PAX3: variants seen among roughly 807,000 people sequenced by gnomAD.
PAX3 encodes the protein paired box 3.
A neutral mutation model predicts 51.6 loss-of-function variants in PAX3; 14 were observed. The ratio of observed to expected loss-of-function variants is 0.27; its 90% CI spans 0.18 to 0.42. PAX3 has a LOEUF of 0.42. Among genes scored for constraint, PAX3 ranks in the 10% least tolerant of loss-of-function variants. PAX3 has a pLI of 1.00. For missense variants in PAX3, 540 were observed against 642.8 expected (o/e 0.84, Z 1.73); for synonymous variants, 280 against 253.4 (o/e 1.11, Z -1.00).
chr2:222,218,772 T>G (rs1190251743), intron 7 of PAX3, among the ~76,000 whole-genome samples: 1 of 152,236 alleles, frequency 6.6e-6, no homozygotes, highest in Non-Finnish European at 1.5e-5. Flanking sequence ...TTTCATGTTG[T>G]TATTTTTCAG....
rs1173262760 is a variant in PAX3, at chr2:222,297,052, C to T, written c.247G>A (p.Val83Ile). ...TGGTACCTGCACAGGATCTTGGAGA[C>T]GCAGCCGTGGGACACGCGCAGCTGG... ...SRQLRVSHGCVSKILCRYQET... is the reference protein window; with the variant it reads ...SRQLRVSHGCISKILCRYQET... Residue 83 changes from valine (V) to isoleucine (I), a missense_variant, in exon 2 of 9, where the codon GTC (valine) becomes ATC (isoleucine). Val to Ile is a conservative substitution (Grantham distance 29). Around this residue, in one of 3 missense-constraint regions of PAX3, gnomAD observed 50 missense variants for 109.3 expected, o/e 0.46. Coordinates refer to ENST00000392070, the MANE Select transcript of PAX3 (RefSeq NM_181458.4). 2 of 1,614,038 alleles carry T rather than the reference C, an allele frequency of 1.2e-6. No homozygotes were observed. The highest frequency in any genetic ancestry group is 1.7e-5 in the Admixed American group (1 of 60,008).
At chr2:222,253,446 T>A (rs1369049890) in intron 4 of PAX3, among the ~76,000 whole-genome samples, 1 of 152,112 alleles carries the variant, frequency 6.6e-6, no homozygotes, top group Non-Finnish European at 1.5e-5. Context: ...CAAAACTTCA[T>A]GCAAACTAAG....
At chr2:222,296,125 G>C (rs1416466094) in intron 2 of PAX3, among the ~76,000 whole-genome samples, 2 of 152,308 alleles carry the variant, frequency 1.3e-5, no homozygotes, top group South Asian at 4.1e-4. Flanking sequence ...GTATGTATTT[G>C]GGTTTTTAAA....
At chr2:222,208,003 GTATA>G (rs71408506) in intron 7 of PAX3, among the ~76,000 whole-genome samples, 14 of 147,918 alleles carry the variant, frequency 9.5e-5, no homozygotes, top group Middle Eastern at 3.5e-3. Context: ...ATATGTGTGT[GTATA>G]TATATATATA....
At chr2:222,220,115 G>A (rs536403392) in intron 7 of PAX3, 25 bp downstream of exon 7, 16 of 1,596,438 alleles carry the variant, frequency 1.0e-5, no homozygotes, top group Admixed American at 5.0e-5. Flanking sequence ...ACAGCAAATC[G>A]TCTGTCTAGA....
intron 4 of PAX3, among the ~76,000 whole-genome samples, chr2:222,256,413 C>G (rs1693647502): frequency 6.6e-6 from 1 of 152,022 alleles, no homozygotes; most frequent in Non-Finnish European, 1.5e-5. Flanking sequence ...GAGACCCCTG[C>G]CGTCCTTCCT....
intron 8 of PAX3, 86 bp downstream of exon 8, chr2:222,201,858 C>T: frequency 6.2e-7 from 1 of 1,611,908 alleles, no homozygotes; most frequent in African/African-American, 1.3e-5. Flanking sequence ...GTGGCTTAAT[C>T]TTGCCTCTAA....
At chr2:222,297,237 G>A (rs751248910) in intron 1 of PAX3, 24 bp from the exon 2 acceptor site, 1 of 1,518,530 alleles carries the variant, frequency 6.6e-7, no homozygotes, top group South Asian at 1.2e-5. Flanking sequence ...AAAAAGAGAA[G>A]CAAGGGAAAA....
chr2:222,274,980 T>C (rs1017356087), intron 4 of PAX3, among the ~76,000 whole-genome samples: 6 of 152,240 alleles, frequency 3.9e-5, no homozygotes, highest in African/African-American at 1.4e-4. Flanking sequence ...CTGTTTTGAT[T>C]TGTATGGAAT....
chr2:222,251,715 C>T (rs911000787), intron 4 of PAX3, among the ~76,000 whole-genome samples: 19 of 152,336 alleles, frequency 1.2e-4, no homozygotes, highest in South Asian at 4.1e-4. Context: ...AACTAGTTTA[C>T]GGTCCCACCA....
At chr2:222,239,476 A>G (rs757965789) in intron 4 of PAX3, among the ~76,000 whole-genome samples, 5 of 152,158 alleles carry the variant, frequency 3.3e-5, no homozygotes, top group Admixed American at 6.5e-5. Flanking sequence ...TGTTATTTTT[A>G]ATTTATTTTA....
In PAX3 at chr2:222,298,698, C is replaced by G; in HGVS notation, c.-83G>C. Reference sequence around the variant, plus strand: ...GTGCGGCGCGGATGACCCTCGGGAACTATCCGGAGCGTGGAGAGCCCCTCC... The same window carrying G: ...GTGCGGCGCGGATGACCCTCGGGAAGTATCCGGAGCGTGGAGAGCCCCTCC... On this transcript the variant is annotated 5_prime_UTR_variant, in exon 1 of 9. Transcript: ENST00000392070. 7.4e-7 allele frequency: 1 copy of G among 1,345,122 alleles called. No homozygotes were observed. Among genetic ancestry groups the G allele is most frequent in the Non-Finnish European group, 1.0e-6 (1 of 961,852 alleles). The allele number at this position is 1,345,122 out of a possible 1,614,324, so 83.3% of individuals were successfully genotyped here.
intron 4 of PAX3, chr2:222,263,557 C>G (rs1343355998): frequency 7.9e-5 from 12 of 152,184 alleles, no homozygotes; most frequent in Non-Finnish European, 1.5e-5. Context: ...CTCTGTAAAA[C>G]AGTCTGGCAG....
intron 4 of PAX3, among the ~76,000 whole-genome samples, chr2:222,270,075 A>G (rs933364943): frequency 2.0e-5 from 3 of 152,234 alleles, no homozygotes; most frequent in Non-Finnish European, 4.4e-5. Flanking sequence ...AGCTGAGGCT[A>G]TAGAATGAGC....
At chr2:222,285,351 A>G (rs1274349613) in intron 4 of PAX3, among the ~76,000 whole-genome samples, 1 of 152,252 alleles carries the variant, frequency 6.6e-6, no homozygotes, top group East Asian at 1.9e-4. Context: ...GAAGGAAACT[A>G]GGAAGTTAGT....
chr2:222,292,806 G>T (rs1238645665), intron 4 of PAX3, among the ~76,000 whole-genome samples: 1 of 152,218 alleles, frequency 6.6e-6, no homozygotes, highest in Non-Finnish European at 1.5e-5. Context: ...CTGTCATAAA[G>T]CAAAGGAAGC....
chr2:222,227,512 A>C lies in PAX3; in HGVS notation c.792+4566T>G, dbSNP rs1202388426. Reference sequence around the variant, plus strand: ...GAGACTGAGGCGGGAGGATCATCTGAGCCCAGGAGGCAGAGGTTGCAGTGA... The same window carrying C: ...GAGACTGAGGCGGGAGGATCATCTGCGCCCAGGAGGCAGAGGTTGCAGTGA... On this transcript the variant is annotated intron_variant, in intron 5 of 8. Transcript: ENST00000392070. Among the ~76,000 whole-genome samples, 3 of 152,122 alleles carry C rather than the reference A, an allele frequency of 2.0e-5. No homozygotes were observed. The East Asian group carries it at 5.8e-4, about 29-fold the overall frequency.
intron 5 of PAX3, among the ~76,000 whole-genome samples, chr2:222,227,404 T>C (rs952932084): frequency 6.6e-6 from 1 of 152,138 alleles, no homozygotes; most frequent in African/African-American, 2.4e-5. Flanking sequence ...GAGACCAGCC[T>C]TGGCAACATG....
chr2:222,297,296 A>G, intron 1 of PAX3, 83 bp from the exon 2 acceptor site: 1 of 1,114,678 alleles, frequency 9.0e-7, no homozygotes, highest in South Asian at 1.3e-5. Context: ...GTAATTTCGC[A>G]GTCTTCTGTC....
Sources: gnomAD v4.1 joint callset for allele counts (sites outside exome capture counted in the v4.1 genomes callset) on GRCh38, gnomAD v4.1.1 for gene constraint, gnomAD v4.1.1 regional missense constraint, MANE v1.5 for transcripts, NCBI Gene and HGNC (gene_info 2026-07-23, HGNC 2026-07-21) for gene names.